SLC7A2: variants seen among roughly 807,000 people sequenced by gnomAD.
SLC7A2 encodes the protein cationic amino acid transporter 2.
Under a neutral mutation model 58.9 loss-of-function variants are expected in SLC7A2, and 48 were observed. That is an observed-to-expected ratio of 0.82 (90% CI 0.65 to 1.04). The LOEUF (loss-of-function observed/expected upper bound fraction) is 1.04, where lower values mean the gene tolerates loss of function less well. Ranked by LOEUF, SLC7A2 falls within the 50% of genes least tolerant of loss-of-function variation. The pLI, the probability that SLC7A2 is intolerant of heterozygous loss-of-function variation, is 0.00. For missense variants in SLC7A2, 1,029 were observed against 818.8 expected (o/e 1.26, Z -3.13); for synonymous variants, 363 against 314.5 (o/e 1.15, Z -1.63).
In SLC7A2 at chr8:17,551,839, A is replaced by G. The variant is rs574752305; in HGVS notation, c.908A>G (p.Tyr303Cys). The change falls in exon 7 of 13, where the codon TAT becomes TGT. Residue 303 changes from tyrosine to cysteine, a missense_variant. Physicochemically the swap from Tyr to Cys is radical, Grantham distance 194. Transcript: ENST00000494857. ...VTSLLVCFMA[Y>C]FGVSAALTLM... ...TCTTTGCTTGTTTGCTTTATGGCCT[A>G]TTTTGGGGTCTCTGCAGCTTTAACA... 27 of 1,613,760 alleles carry G rather than the reference A, an allele frequency of 1.7e-5. No homozygotes were observed. The highest frequency in any genetic ancestry group is 2.7e-5 in the African/African-American group (2 of 74,914).
intron 2 of SLC7A2, among the ~76,000 whole-genome samples, chr8:17,537,137 A>G (rs966763291): frequency 6.6e-6 from 1 of 152,066 alleles, no homozygotes; most frequent in Non-Finnish European, 1.5e-5. Context: ...GCTCACCGCA[A>G]CCTCTGCCTC....
intron 2 of SLC7A2, among the ~76,000 whole-genome samples, chr8:17,540,550 C>T (rs1451853878): frequency 6.6e-6 from 1 of 151,996 alleles, no homozygotes; most frequent in East Asian, 1.9e-4. Context: ...GAAATCATAT[C>T]TTATGTGATT....
chr8:17,554,982 G>A (rs746914461), intron 8 of SLC7A2: 1 of 1,613,858 alleles, frequency 6.2e-7, no homozygotes, highest in East Asian at 2.2e-5. Context: ...CCCGAATTCT[G>A]TTTGCCATGG....
At chr8:17,512,606 T>G (rs1271230879) in intron 2 of SLC7A2, among the ~76,000 whole-genome samples, 2 of 124,548 alleles carry the variant, frequency 1.6e-5, no homozygotes, top group East Asian at 4.7e-4. Context: ...TAACCTTTCT[T>G]ATCCCTCATG....
intron 2 of SLC7A2, among the ~76,000 whole-genome samples, chr8:17,530,908 T>C (rs1801424894): frequency 6.6e-6 from 1 of 152,204 alleles, no homozygotes; most frequent in South Asian, 2.1e-4. Context: ...TGAAATCTCA[T>C]TCTTTATATA....
At chr8:17,542,595 G>A (rs1294666480) in intron 2 of SLC7A2, among the ~76,000 whole-genome samples, 4 of 151,814 alleles carry the variant, frequency 2.6e-5, no homozygotes, top group Non-Finnish European at 5.9e-5. Context: ...AGGCTTCAGT[G>A]AGCTATGATC....
At chr8:17,557,908 C>T (rs1051083171) in intron 8 of SLC7A2, among the ~76,000 whole-genome samples, 8 of 152,164 alleles carry the variant, frequency 5.3e-5, no homozygotes, top group African/African-American at 1.7e-4. Context: ...ATAATGAAAG[C>T]ACCTTCTGTT....
chr8:17,539,139 A>G (rs748077775), intron 2 of SLC7A2, among the ~76,000 whole-genome samples: 11 of 152,210 alleles, frequency 7.2e-5, no homozygotes, highest in East Asian at 3.9e-4. Context: ...TGCTCCGTCA[A>G]TGTCATCAGG....
chr8:17,551,133 T>C (rs1217168254), intron 6 of SLC7A2, among the ~76,000 whole-genome samples: 4 of 152,244 alleles, frequency 2.6e-5, no homozygotes, highest in Non-Finnish European at 5.9e-5. Context: ...ACTGCTATTC[T>C]ATCGCTGAAC....
At chr8:17,497,530 TG>T (rs1209549780) in intron 1 of SLC7A2, among the ~76,000 whole-genome samples, 1 of 152,136 alleles carries the variant, frequency 6.6e-6, no homozygotes, top group Non-Finnish European at 1.5e-5. Flanking sequence ...CAGCCGGCTC[TG>T]CCCGGGGACT....
intron 8 of SLC7A2, among the ~76,000 whole-genome samples, chr8:17,556,499 A>G (rs1341531567): frequency 6.6e-6 from 1 of 152,068 alleles, no homozygotes; most frequent in Non-Finnish European, 1.5e-5. Context: ...AACTTGGATC[A>G]GAGCGCTTGT....
intron 4 of SLC7A2, among the ~76,000 whole-genome samples, chr8:17,547,938 A>G (rs1802255953): frequency 6.6e-6 from 1 of 152,180 alleles, no homozygotes; most frequent in Admixed American, 6.5e-5. Context: ...AGCTATTAAA[A>G]TGAGAATAGG....
Position 17,560,525 on chromosome 8 carries a change from G to A in SLC7A2, c.1496G>A (p.Gly499Glu). The change falls in exon 10 of 13, where the codon GGA becomes GAA. Residue 499 changes from glycine to glutamate, a missense_variant. By Grantham distance (98) the Gly-to-Glu change is moderately conservative (BLOSUM62 -2). Coordinates refer to ENST00000494857, the MANE Select transcript of SLC7A2 (RefSeq NM_001370338.1). ...GCTTCTCTCGTGAGCTTTCTGGTAG[G>A]ATTCCTAGGTAAGTCTTCTTCTCTG... ...QSASLVSFLV[G>E]FLAFLVLGLS... 1.2e-6 allele frequency: 2 copies of A among 1,613,330 alleles called. No homozygotes were observed. Among genetic ancestry groups the A allele is most frequent in the Non-Finnish European group, 1.7e-6 (2 of 1,179,380 alleles).
At chr8:17,515,077 A>G (rs114482491) in intron 2 of SLC7A2, among the ~76,000 whole-genome samples, 1,672 of 152,326 alleles carry the variant, frequency 0.011, 34 homozygotes, top group African/African-American at 0.038. Flanking sequence ...GAGGGACTTT[A>G]TAGTTGCTAA....
intron 10 of SLC7A2, among the ~76,000 whole-genome samples, chr8:17,561,586 G>A (rs1802988525): frequency 6.6e-6 from 1 of 152,072 alleles, no homozygotes; most frequent in Non-Finnish European, 1.5e-5. Flanking sequence ...ATAACCAGAT[G>A]TGCCATTTCC....
intron 4 of SLC7A2, among the ~76,000 whole-genome samples, chr8:17,546,376 C>G (rs1441827924): frequency 6.6e-6 from 1 of 152,166 alleles, no homozygotes; most frequent in Non-Finnish European, 1.5e-5. Context: ...AGATCAAAAC[C>G]TCCTATGTAA....
chr8:17,568,350 AT>A lies in SLC7A2; in HGVS notation c.*3206del, dbSNP rs1219654003. The A allele has an allele frequency of 6.6e-6, 1 of 152,160 alleles. No individual in the cohort carries two copies. Among genetic ancestry groups the A allele is most frequent in the Admixed American group, 6.5e-5 (1 of 15,276 alleles). 9.4% of individuals were successfully genotyped at this position (152,160 alleles called of 1,614,324 possible). A position where few individuals can be genotyped will look rare whatever the true frequency, so the allele number is the denominator to read the frequency against. On this transcript the variant is annotated 3_prime_UTR_variant, in exon 13 of 13. Transcript: ENST00000494857. ...GTTAAAAACTATGAGGAAAACTTAT[AT>A]TAGAACTTTTGATATATACTAAAAT...
intron 2 of SLC7A2, among the ~76,000 whole-genome samples, chr8:17,524,282 A>G (rs1407065378): frequency 1.3e-5 from 2 of 152,222 alleles, no homozygotes; most frequent in Non-Finnish European, 2.9e-5. Context: ...AGAAGTCATT[A>G]TATGAAAAAG....
Position 17,557,131 on chromosome 8 carries a change from A to G in SLC7A2, c.1196-1164A>G, listed in dbSNP as rs1295931942. Among the ~76,000 whole-genome samples, 5 of 152,212 alleles carry G rather than the reference A, an allele frequency of 3.3e-5. 1 individual carries two copies. The highest frequency in any genetic ancestry group is 7.3e-5 in the Non-Finnish European group (5 of 68,036). Reference sequence around the variant, plus strand: ...AAATCCAGCCATTTTATATGCCTAAACATAAATGATTTCCCTTCTCATAGG... The same window carrying G: ...AAATCCAGCCATTTTATATGCCTAAGCATAAATGATTTCCCTTCTCATAGG... On this transcript the variant is annotated intron_variant, in intron 8 of 12. Transcript: ENST00000494857.
Sources: gnomAD v4.1 joint callset for allele counts (sites outside exome capture counted in the v4.1 genomes callset) on GRCh38, gnomAD v4.1.1 for gene constraint, MANE v1.5 for transcripts, NCBI Gene and HGNC (gene_info 2026-07-23, HGNC 2026-07-21) for gene names.